THRB: variants seen among roughly 807,000 people sequenced by gnomAD.
THRB encodes the protein thyroid hormone receptor beta, also known as nuclear receptor subfamily 1 group A member 2.
A neutral mutation model predicts 47.8 loss-of-function variants in THRB; 12 were observed. The observed-to-expected ratio is 0.25, with a 90% CI of 0.16 to 0.41. The LOEUF is 0.41. Ranked by LOEUF, THRB falls within the 10% of genes least tolerant of loss-of-function variation. The pLI, the probability that THRB is intolerant of heterozygous loss-of-function variation, is 1.00. For missense variants in THRB, 348 were observed against 589.2 expected, an observed-to-expected ratio of 0.59 and a Z score of 4.24; for synonymous variants, 218 against 212.2, an observed-to-expected ratio of 1.03 and a Z score of -0.24.
intron 4 of THRB, among the ~76,000 whole-genome samples, chr3:24,207,461 A>C (rs556539475): frequency 6.6e-6 from 1 of 152,152 alleles, no homozygotes; most frequent in African/African-American, 2.4e-5. Context: ...CATGCTAAAA[A>C]CTCTCAATAA....
chr3:24,231,865 G>T (rs949559445), intron 3 of THRB, among the ~76,000 whole-genome samples: 2 of 152,262 alleles, frequency 1.3e-5, no homozygotes, highest in East Asian at 3.9e-4. Context: ...AAGTCCAAAA[G>T]AACTTAAAAG....
At chr3:24,292,930 A>G (rs1036837723) in intron 3 of THRB, among the ~76,000 whole-genome samples, 1 of 152,202 alleles carries the variant, frequency 6.6e-6, no homozygotes, top group Non-Finnish European at 1.5e-5. Flanking sequence ...AACTTTGGCT[A>G]AAGTTAAAAA....
chr3:24,206,850 T>C (rs1258195862), intron 4 of THRB, among the ~76,000 whole-genome samples: 1 of 152,044 alleles, frequency 6.6e-6, no homozygotes, highest in African/African-American at 2.4e-5. Context: ...CAAACTACCA[T>C]CAGAGAATAC....
intron 7 of THRB, among the ~76,000 whole-genome samples, 187 bp downstream of exon 7, chr3:24,146,488 C>G (rs2036120429): frequency 6.6e-6 from 1 of 152,196 alleles, no homozygotes; most frequent in South Asian, 2.1e-4. Flanking sequence ...ACCCACCCAG[C>G]AATGGCTCCC....
In THRB at chr3:24,479,240, A is replaced by T. The variant is rs1020937397; in HGVS notation, c.-261+15412T>A. ...TGGCGTGAACCTGGGAGGCGGGGCT[A>T]GCAGTGAGCTGAGATTGCGCCACCG... On this transcript the variant is annotated intron_variant, in intron 1 of 10. Coordinates refer to ENST00000646209, the MANE Select transcript of THRB (RefSeq NM_001354712.2). 5.3e-5 allele frequency among the ~76,000 whole-genome samples: 8 copies of T among 152,316 alleles called. No homozygotes were observed. The South Asian group carries it at 1.2e-3, about 24-fold the overall frequency.
intron 3 of THRB, among the ~76,000 whole-genome samples, chr3:24,268,703 GATAA>G (rs1439146771): frequency 5.3e-5 from 8 of 151,992 alleles, no homozygotes; most frequent in African/African-American, 1.9e-4. Flanking sequence ...CCTATGAATG[GATAA>G]ATAATCTAGA....
chr3:24,376,768 T>C (rs1487300986), intron 1 of THRB, among the ~76,000 whole-genome samples: 1 of 152,150 alleles, frequency 6.6e-6, no homozygotes. Flanking sequence ...GAAAATTAAA[T>C]GCCTGCCAGA....
At chr3:24,327,435 G>A (rs1197674567) in intron 2 of THRB, among the ~76,000 whole-genome samples, 1 of 152,142 alleles carries the variant, frequency 6.6e-6, no homozygotes, top group East Asian at 1.9e-4. Flanking sequence ...ATTCCAATCA[G>A]ATCCTAAAGG....
At chr3:24,380,396 G>A (rs961021162) in intron 1 of THRB, among the ~76,000 whole-genome samples, 6 of 151,584 alleles carry the variant, frequency 4.0e-5, no homozygotes, top group African/African-American at 7.3e-5. Context: ...CCATGACCCT[G>A]CCATTTCAAT....
intron 2 of THRB, among the ~76,000 whole-genome samples, chr3:24,331,443 G>C (rs1380812029): frequency 6.6e-6 from 1 of 152,030 alleles, no homozygotes; most frequent in Non-Finnish European, 1.5e-5. Flanking sequence ...GGCTTCTTAT[G>C]ATGACTTCCT....
At position 24,384,116 on chromosome 3, in the gene THRB, C is replaced by A. The variant is rs141839524; in HGVS notation, c.-260-46745G>T. On this transcript the variant is annotated intron_variant, in intron 1 of 10. Coordinates refer to ENST00000646209, the MANE Select transcript of THRB (RefSeq NM_001354712.2). ...CATACCAGGTCTTTCCACCTTTATACATGGCTACTGTATATCCTTTTACTC... is the reference window on the plus strand; with the variant it reads ...CATACCAGGTCTTTCCACCTTTATAAATGGCTACTGTATATCCTTTTACTC... Among the ~76,000 whole-genome samples the A allele has an allele frequency of 3.8e-3, 573 of 152,200 alleles. 4 individuals are homozygous for A. Among genetic ancestry groups the A allele is most frequent in the African/African-American group, 0.013 (522 of 41,544 alleles).
chr3:24,372,416 C>T (rs1438538781), intron 1 of THRB, among the ~76,000 whole-genome samples: 1 of 152,114 alleles, frequency 6.6e-6, no homozygotes, highest in Admixed American at 6.6e-5. Flanking sequence ...ACATATCTAT[C>T]ACCATGTCCT....
At chr3:24,143,082 C>A (rs1351999731) in intron 8 of THRB, among the ~76,000 whole-genome samples, 1 of 151,992 alleles carries the variant, frequency 6.6e-6, no homozygotes, top group East Asian at 1.9e-4. Flanking sequence ...ATACTTGAGG[C>A]CTAGAGGCTA....
At chr3:24,274,610 T>C (rs2053710939) in intron 3 of THRB, among the ~76,000 whole-genome samples, 1 of 152,194 alleles carries the variant, frequency 6.6e-6, no homozygotes, top group Admixed American at 6.6e-5. Flanking sequence ...ATTTCTTTTT[T>C]TAAATTATCA....
At chr3:24,176,219 TTAATG>T (rs2041135033) in intron 5 of THRB, among the ~76,000 whole-genome samples, 1 of 152,304 alleles carries the variant, frequency 6.6e-6, no homozygotes, top group Non-Finnish European at 1.5e-5. Context: ...AGCAACTCAT[TTAATG>T]TATTTTTTAA....
At chr3:24,155,013 T>C (rs770678837) in intron 5 of THRB, among the ~76,000 whole-genome samples, 1 of 152,192 alleles carries the variant, frequency 6.6e-6, no homozygotes, top group South Asian at 2.1e-4. Flanking sequence ...GTTGGGAAGA[T>C]GCAGGTAGTT....
At chr3:24,333,351 G>T (rs946742250) in intron 2 of THRB, among the ~76,000 whole-genome samples, 6 of 152,288 alleles carry the variant, frequency 3.9e-5, no homozygotes, top group African/African-American at 1.2e-4. Context: ...AGAAAAGAAA[G>T]AAATAAATTT....
At chr3:24,471,336 G>A (rs114615527) in intron 1 of THRB, among the ~76,000 whole-genome samples, 278 of 152,264 alleles carry the variant, frequency 1.8e-3, no homozygotes, top group African/African-American at 6.2e-3. Flanking sequence ...TGATTATAAC[G>A]CCGCTCAAGT....
chr3:24,129,701 TCAA>T (rs2033507439), intron 9 of THRB, among the ~76,000 whole-genome samples: 1 of 152,310 alleles, frequency 6.6e-6, no homozygotes, highest in African/African-American at 2.4e-5. Context: ...GTGAGAACAC[TCAA>T]CAAGGGCCTG....
Sources: allele counts gnomAD v4.1 joint callset (sites outside exome capture counted in the v4.1 genomes callset), GRCh38; gene constraint gnomAD v4.1.1; transcripts MANE v1.5; gene names NCBI Gene and HGNC (gene_info 2026-07-23, HGNC 2026-07-21).